Variants in TTC23 observed in about 807,000 individuals in gnomAD.
The protein encoded by TTC23 is tetratricopeptide repeat protein 23.
TTC23 carries 58 observed loss-of-function variants against 55.1 expected under a neutral mutation model. The ratio of observed to expected loss-of-function variants is 1.05; its 90% CI spans 0.85 to 1.31. The LOEUF is 1.31. Ranked by LOEUF, TTC23 falls within the 50% of genes most tolerant of loss-of-function variation. The pLI, the probability that TTC23 is intolerant of heterozygous loss-of-function variation, is 0.00. For missense variants in TTC23, 516 were observed against 534.4 expected (o/e 0.97, Z 0.34); for synonymous variants, 203 against 199.9 (o/e 1.02, Z -0.13).
intron 4 of TTC23, among the ~76,000 whole-genome samples, chr15:99,229,091 T>C (rs1411960519): frequency 7.3e-6 from 1 of 137,746 alleles, no homozygotes; most frequent in African/African-American, 2.7e-5. Context: ...TACATATATA[T>C]ATAAAGTCCA....
intron 1 of TTC23, among the ~76,000 whole-genome samples, chr15:99,247,123 C>T (rs898838960): frequency 2.0e-5 from 3 of 152,192 alleles, no homozygotes; most frequent in Non-Finnish European, 2.9e-5. Flanking sequence ...TAAGATACCA[C>T]TTAAAATCCA....
At chr15:99,154,289 AAAAT>A (rs1406113384) in intron 12 of TTC23, among the ~76,000 whole-genome samples, 2 of 152,244 alleles carry the variant, frequency 1.3e-5, no homozygotes, top group African/African-American at 4.8e-5. Flanking sequence ...CAAAAATCCT[AAAAT>A]AAATGTTAGC....
chr15:99,200,146 C>G (rs2076082598), intron 8 of TTC23, 50 bp from the exon 9 acceptor site: 1 of 1,448,224 alleles, frequency 6.9e-7, no homozygotes, highest in East Asian at 2.6e-5. Flanking sequence ...ATAGAAAATA[C>G]TGAAAATATA....
At chr15:99,244,068 T>A (rs2080031242) in intron 2 of TTC23, among the ~76,000 whole-genome samples, 1 of 152,206 alleles carries the variant, frequency 6.6e-6, no homozygotes, top group South Asian at 2.1e-4. Context: ...TGTATGCCTG[T>A]GTCAAAGCAT....
At chr15:99,226,972 G>T (rs1054887514) in intron 5 of TTC23, among the ~76,000 whole-genome samples, 1 of 152,152 alleles carries the variant, frequency 6.6e-6, no homozygotes, top group Non-Finnish European at 1.5e-5. Context: ...ACAGAACAAC[G>T]AAATGTTTAA....
chr15:99,197,180 G>A (rs2075797706), intron 9 of TTC23, among the ~76,000 whole-genome samples: 1 of 151,134 alleles, frequency 6.6e-6, no homozygotes, highest in Non-Finnish European at 1.5e-5. Context: ...TCAGCTCACT[G>A]CAAGCTCCGC....
chr15:99,139,745 C>T (rs1414161594), intron 12 of TTC23: 7 of 1,328,486 alleles, frequency 5.3e-6, no homozygotes, highest in Admixed American at 2.3e-5. Flanking sequence ...TTGTTATAGC[C>T]TGGAAAAGAT....
rs148452279 is a variant in TTC23, at chr15:99,198,425, A to G, written c.759+1494T>C. Among the ~76,000 whole-genome samples, 218 of 152,116 alleles carry G rather than the reference A, an allele frequency of 1.4e-3. 2 individuals are homozygous for G. The highest frequency in any genetic ancestry group is 5.0e-3 in the African/African-American group (209 of 41,490). The stretch of plus-strand genomic sequence containing the variant: ...CAATTCTGCCTCCTAAATCTTTCCT[A>G]TATCCATCTACTTCTCTTCATCTCC... On this transcript the variant is annotated intron_variant, in intron 9 of 13. Transcript: ENST00000394132.
chr15:99,249,693 T>C (rs1427483353), upstream of TTC23: 1 of 152,206 alleles, frequency 6.6e-6, no homozygotes, highest in Non-Finnish European at 1.5e-5. Context: ...GTGGGAATTT[T>C]AAAATGAGGT....
intron 4 of TTC23, among the ~76,000 whole-genome samples, chr15:99,233,106 T>C (rs962181273): frequency 6.6e-6 from 1 of 152,014 alleles, no homozygotes; most frequent in Non-Finnish European, 1.5e-5. Context: ...AAGTAGAGAG[T>C]AGAATGCTGG....
intron 6 of TTC23, among the ~76,000 whole-genome samples, chr15:99,219,460 G>C (rs917920577): frequency 2.6e-5 from 4 of 152,212 alleles, no homozygotes; most frequent in African/African-American, 9.6e-5. Flanking sequence ...TAAAAATTCT[G>C]AATCTTCAGC....
At chr15:99,237,717 A>G (rs1457343688) in intron 3 of TTC23, among the ~76,000 whole-genome samples, 1 of 152,178 alleles carries the variant, frequency 6.6e-6, no homozygotes, top group Non-Finnish European at 1.5e-5. Context: ...TACAAGGGGC[A>G]TGAGGAAACT....
intron 13 of TTC23, among the ~76,000 whole-genome samples, 192 bp from the exon 14 acceptor site, chr15:99,138,319 A>G (rs1183356143): frequency 6.8e-6 from 1 of 146,524 alleles, no homozygotes; most frequent in Admixed American, 6.8e-5. Context: ...TATTTTTTTA[A>G]TTTTTTTTTT....
In TTC23 at chr15:99,168,779, T is replaced by G. The variant is rs575751912; in HGVS notation, c.865+6271A>C. On this transcript the variant is annotated intron_variant, in intron 10 of 13. Transcript: ENST00000394132. ...GGGAACAGGCCTCCTCTCCTCCTCC[T>G]CCACTGGCCCCAAGGGCTGCCAACC... 3.4e-4 allele frequency among the ~76,000 whole-genome samples: 51 copies of G among 152,216 alleles called. 2 individuals are homozygous for G. The South Asian group carries it at 0.01, about 30-fold the overall frequency.
chr15:99,139,845 CT>C (rs1247509617), intron 12 of TTC23: 1 of 968,246 alleles, frequency 1.0e-6, no homozygotes, highest in African/African-American at 1.7e-5. Context: ...ACAGCAATGT[CT>C]TAGTTATTAG....
intron 8 of TTC23, among the ~76,000 whole-genome samples, chr15:99,203,327 A>C (rs1452300023): frequency 6.6e-6 from 1 of 152,148 alleles, no homozygotes; most frequent in East Asian, 1.9e-4. Flanking sequence ...TTTTTTAAAA[A>C]AATTTTAAAT....
At position 99,136,366 on chromosome 15, in the gene TTC23, C is replaced by CT. The variant is rs2151814352; in HGVS notation, c.*1643dup. 6.6e-6 allele frequency: 1 copy of CT among 152,402 alleles called. No homozygotes were observed. Among genetic ancestry groups the CT allele is most frequent in the South Asian group, 2.1e-4 (1 of 4,832 alleles). 9.4% of individuals were successfully genotyped at this position (152,402 alleles called of 1,614,324 possible). On this transcript the variant is annotated 3_prime_UTR_variant, in exon 14 of 14. Transcript: ENST00000394132. ...TTATTTCAAAAACTCGGCATGGACT[C>CT]TCAGTTCAGGCTGCTGTAACAGAAA...
At chr15:99,227,349 T>G (rs906915128) in intron 5 of TTC23, among the ~76,000 whole-genome samples, 5 of 152,226 alleles carry the variant, frequency 3.3e-5, no homozygotes, top group Non-Finnish European at 7.3e-5. Context: ...CCTGTCCCAC[T>G]GATTTGCATT....
At chr15:99,217,001 T>C (rs1012858470) in intron 8 of TTC23, among the ~76,000 whole-genome samples, 29 of 152,156 alleles carry the variant, frequency 1.9e-4, no homozygotes, top group African/African-American at 6.0e-4. Context: ...GTTAGGAGGA[T>C]GGACAAACAA....
Sources: gnomAD v4.1 joint callset for allele counts (sites outside exome capture counted in the v4.1 genomes callset) on GRCh38, gnomAD v4.1.1 for gene constraint, MANE v1.5 for transcripts, NCBI Gene and HGNC (gene_info 2026-07-23, HGNC 2026-07-21) for gene names.